ZMYND8: variants seen among roughly 807,000 people sequenced by gnomAD.
ZMYND8 encodes the protein zinc finger MYND-type containing 8, also known as MYND-type zinc finger-containing chromatin reader ZMYND8.
ZMYND8 carries 37 observed loss-of-function variants against 140.8 expected under a neutral mutation model. The observed-to-expected ratio is 0.26, with a 90% CI of 0.20 to 0.35. The LOEUF (loss-of-function observed/expected upper bound fraction) is 0.35, where lower values mean the gene tolerates loss of function less well. Ranked by LOEUF, ZMYND8 falls within the 10% of genes least tolerant of loss-of-function variation. The pLI is 1.00. For synonymous variants in ZMYND8, 592 were observed against 597.1 expected (o/e 0.99, Z 0.12); for missense variants, 1,068 against 1,570.0 (o/e 0.68, Z 5.40).
At position 47,300,949 on chromosome 20, in the gene ZMYND8, T is replaced by G. The variant is rs1410974610; in HGVS notation, c.235-2002A>C. On this transcript the variant is annotated intron_variant, in intron 3 of 22. Transcript: ENST00000471951. ...GTGTGTGTGTGTTTTGTTTTGTTTT[T>G]TTTGTAGAGACAGGGTTTCACCATG... Among the ~76,000 whole-genome samples the G allele has an allele frequency of 2.6e-5, 4 of 151,210 alleles. No homozygotes were observed. The South Asian group carries it at 6.3e-4, about 24-fold the overall frequency.
At chr20:47,296,130 TG>T (rs1270038225) in intron 4 of ZMYND8, among the ~76,000 whole-genome samples, 3 of 152,190 alleles carry the variant, frequency 2.0e-5, no homozygotes, top group Non-Finnish European at 4.4e-5. Context: ...AACTCATCCC[TG>T]GAAGAAATTC....
At chr20:47,270,056 T>C (rs897055236) in intron 11 of ZMYND8, among the ~76,000 whole-genome samples, 2 of 151,818 alleles carry the variant, frequency 1.3e-5, no homozygotes, top group African/African-American at 4.8e-5. Context: ...CTAGCCTGGG[T>C]AACACAGCAA....
In ZMYND8 at chr20:47,224,194, G is replaced by GA. The variant is rs1021533680; in HGVS notation, c.3256+122dup. On this transcript the variant is annotated intron_variant, in intron 19 of 22. Transcript: ENST00000471951. ...GTGTAAGACACAATTGTTTTTGAGT[G>GA]AAAGTGTCCAGAAGCCAGGCAAGCT... 5.3e-5 allele frequency: 78 copies of GA among 1,473,928 alleles called. No individual in the cohort carries two copies. The African/African-American group carries it at 9.6e-4, about 18-fold the overall frequency. The allele number at this position is 1,473,928 out of a possible 1,614,324, so 91.3% of individuals were successfully genotyped here.
At chr20:47,232,897 G>GTTTTTT (rs144707608) in intron 16 of ZMYND8, among the ~76,000 whole-genome samples, 1 of 70,126 alleles carries the variant, frequency 1.4e-5, no homozygotes, top group African/African-American at 4.3e-5. Flanking sequence ...GTTTTTTTTT[G>GTTTTTT]TTTTTTTTGT....
intron 2 of ZMYND8, among the ~76,000 whole-genome samples, chr20:47,346,800 G>A (rs754995258): frequency 6.6e-6 from 1 of 152,150 alleles, no homozygotes; most frequent in Non-Finnish European, 1.5e-5. Context: ...AGAGACGGGG[G>A]TTTCACCATG....
rs1042594516 is a variant in ZMYND8, at chr20:47,347,873, A to C, written c.68T>G (p.Ile23Ser). ...TEQEVVEGMD[I>S]STRSKDPGSA... ...TTACTCACCTTTGGAGCGAGTAGAG[A>C]TATCCATGCCCTCTACCACCTCCTG... The change falls in exon 2 of 23, where the codon ATC becomes AGC. Residue 23 changes from isoleucine (I) to serine (S), a missense_variant. Physicochemically the swap from Ile to Ser is moderately radical, Grantham distance 142. Transcript: ENST00000471951. 1.9e-6 allele frequency: 3 copies of C among 1,613,922 alleles called. No individual in the cohort carries two copies. Among genetic ancestry groups the C allele is most frequent in the Admixed American group, 3.3e-5 (2 of 60,022 alleles).
chr20:47,273,725 T>C (rs1337871956), intron 11 of ZMYND8, among the ~76,000 whole-genome samples: 2 of 152,126 alleles, frequency 1.3e-5, no homozygotes, highest in African/African-American at 4.8e-5. Context: ...CTCAAACTCC[T>C]AGGCTTAATT....
intron 11 of ZMYND8, among the ~76,000 whole-genome samples, chr20:47,268,753 G>A (rs1300412588): frequency 6.6e-6 from 1 of 151,692 alleles, no homozygotes; most frequent in Admixed American, 6.6e-5. Flanking sequence ...ACTCCAGCCT[G>A]GGTGACAGAG....
intron 16 of ZMYND8, among the ~76,000 whole-genome samples, chr20:47,230,894 C>G (rs762826175): frequency 5.3e-5 from 8 of 152,158 alleles, no homozygotes; most frequent in African/African-American, 1.9e-4. Context: ...TGCCTTCTGT[C>G]TCTCCACATT....
At chr20:47,342,999 GC>G (rs2082035458) in intron 2 of ZMYND8, among the ~76,000 whole-genome samples, 1 of 152,036 alleles carries the variant, frequency 6.6e-6, no homozygotes, top group East Asian at 1.9e-4. Flanking sequence ...AAATAGGCCA[GC>G]CGGGCATGGT....
At chr20:47,258,015 G>A (rs1023772418) in intron 12 of ZMYND8, among the ~76,000 whole-genome samples, 3 of 152,140 alleles carry the variant, frequency 2.0e-5, no homozygotes, top group Non-Finnish European at 4.4e-5. Context: ...AAGCCACCAA[G>A]CCTAGCCAGT....
chr20:47,255,804 G>A (rs1259509443), intron 12 of ZMYND8, among the ~76,000 whole-genome samples: 15 of 114,482 alleles, frequency 1.3e-4, no homozygotes, highest in Non-Finnish European at 1.7e-4. Flanking sequence ...TATATATACC[G>A]TATATATATA....
At chr20:47,211,834 AG>A (rs1465309385) in intron 22 of ZMYND8, among the ~76,000 whole-genome samples, 1 of 152,064 alleles carries the variant, frequency 6.6e-6, no homozygotes, top group Admixed American at 6.6e-5. Flanking sequence ...GCTACTACCT[AG>A]GGGGGCTGCA....
chr20:47,241,387 G>A (rs2039954147), intron 14 of ZMYND8, among the ~76,000 whole-genome samples: 1 of 151,822 alleles, frequency 6.6e-6, no homozygotes, highest in Admixed American at 6.6e-5. Flanking sequence ...GAATGTGAAT[G>A]ACTCAAGTTT....
intron 1 of ZMYND8, chr20:47,353,697 A>G (rs1423458850): frequency 6.6e-6 from 1 of 152,168 alleles, no homozygotes; most frequent in African/African-American, 2.4e-5. Flanking sequence ...CTCTTTGGGG[A>G]CTGAGGAGGC....
At chr20:47,346,897 G>A (rs779648680) in intron 2 of ZMYND8, among the ~76,000 whole-genome samples, 2 of 152,198 alleles carry the variant, frequency 1.3e-5, no homozygotes, top group African/African-American at 2.4e-5. Flanking sequence ...GAGCCACCAC[G>A]CCTGGCGACA....
intron 8 of ZMYND8, among the ~76,000 whole-genome samples, chr20:47,286,191 T>G (rs955790293): frequency 6.6e-6 from 1 of 151,448 alleles, no homozygotes; most frequent in African/African-American, 2.4e-5. Flanking sequence ...TTTTTTTTTT[T>G]CTCGGAGACA....
Position 47,220,376 on chromosome 20 carries a change from C to T in ZMYND8, c.3418-52G>A, listed in dbSNP as rs2036766409. 2.8e-6 allele frequency: 4 copies of T among 1,441,306 alleles called. 1 individual carries two copies. Among genetic ancestry groups the T allele is most frequent in the African/African-American group, 2.8e-5 (2 of 70,858 alleles). 89.3% of individuals were successfully genotyped at this position (1,441,306 alleles called of 1,614,324 possible). On this transcript the variant is annotated intron_variant, in intron 20 of 22. Transcript: ENST00000471951. ...ACTCAAGGCACTGAGGCTACTGTCG[C>T]CCCCACAGGGAAATCCAGGGAGTCA...
chr20:47,322,774 A>C (rs1460671258), intron 2 of ZMYND8, among the ~76,000 whole-genome samples: 1 of 152,176 alleles, frequency 6.6e-6, no homozygotes, highest in African/African-American at 2.4e-5. Context: ...TATATGCTTC[A>C]AGACAAGCAG....
Sources: gnomAD v4.1 joint callset for allele counts (sites outside exome capture counted in the v4.1 genomes callset) on GRCh38, gnomAD v4.1.1 for gene constraint, MANE v1.5 for transcripts, NCBI Gene and HGNC (gene_info 2026-07-23, HGNC 2026-07-21) for gene names.